Variants in TMEM239 observed in about 807,000 individuals in gnomAD.
TMEM239 encodes the protein transmembrane protein 239.
In TMEM239, 10 loss-of-function variants were observed where a neutral mutation model predicts 14.6. The observed-to-expected ratio is 0.68, with a 90% CI of 0.42 to 1.16. The LOEUF (loss-of-function observed/expected upper bound fraction) is 1.16, where lower values mean the gene tolerates loss of function less well. Ranked by LOEUF, TMEM239 falls within the 50% of genes most tolerant of loss-of-function variation. The pLI, the probability that TMEM239 is intolerant of heterozygous loss-of-function variation, is 0.00. For missense variants in TMEM239, 183 were observed against 194.4 expected (o/e 0.94, Z 0.35); for synonymous variants, 94 against 89.9 (o/e 1.05, Z -0.26).
rs908122461 is a variant in TMEM239 at position 2,816,900 on chromosome 20, C to T, written c.346C>T (p.Pro116Ser). ...CCTGCTGCTGGTGCTCAGTGCTCTG[C>T]CTGCCCTCCTCTTCACGGCCTCCTT... ...ALLLLVLSAL[P>S]ALLFTASFLL... The change falls in exon 2 of 2, where the codon CCT becomes TCT. Residue 116 changes from proline (P) to serine (S), a missense_variant. Transcript: ENST00000380585. 7 of 1,541,634 alleles carry T rather than the reference C, an allele frequency of 4.5e-6. No individual in the cohort carries two copies. The South Asian group carries it at 8.3e-5, about 18-fold the overall frequency.
upstream of TMEM239, chr20:2,815,958 G>C: frequency 1.6e-6 from 1 of 640,854 alleles, no homozygotes; most frequent in Admixed American, 2.9e-5. Flanking sequence ...AGCAAGAGAA[G>C]GTAGGATACT....
downstream of TMEM239, chr20:2,820,115 C>T (rs2088709438): frequency 6.6e-6 from 1 of 152,100 alleles, no homozygotes; most frequent in Non-Finnish European, 1.5e-5. Context: ...AATACAATTC[C>T]TCTTACACAA....
upstream of TMEM239, chr20:2,816,268 C>A: frequency 7.0e-7 from 1 of 1,419,210 alleles, no homozygotes; most frequent in African/African-American, 1.4e-5. Context: ...TACAGTGACT[C>A]CTCTCTTGGC....
In TMEM239 at chr20:2,817,114, T is replaced by A; in HGVS notation, c.*101T>A. ...GCAATGGGATCAGGGCTCCCTGCCT[T>A]GGCAGGGCCCAGACCCCTAGTCCCT... On this transcript the variant is annotated 3_prime_UTR_variant, in exon 2 of 2. Coordinates refer to ENST00000380585, the MANE Select transcript of TMEM239 (RefSeq NM_001167670.3). 1.4e-6 allele frequency: 2 copies of A among 1,427,534 alleles called. No homozygotes were observed. The highest frequency in any genetic ancestry group is 1.9e-6 in the Non-Finnish European group (2 of 1,073,056). 88.4% of individuals were successfully genotyped at this position (1,427,534 alleles called of 1,614,324 possible). A position where few individuals can be genotyped will look rare whatever the true frequency, so the allele number is the denominator to read the frequency against.
chr20:2,820,206 A>G (rs905756910), downstream of TMEM239: 2 of 152,330 alleles, frequency 1.3e-5, no homozygotes, highest in South Asian at 4.1e-4. Context: ...GGAATGGACA[A>G]CTCTAGGGGC....
Position 2,817,454 on chromosome 20 carries a change from C to A in TMEM239, c.*441C>A. On this transcript the variant is annotated 3_prime_UTR_variant, in exon 2 of 2. Coordinates refer to ENST00000380585, the MANE Select transcript of TMEM239 (RefSeq NM_001167670.3). ...CATTCCTCCCACCAATCCCCTCTTT[C>A]CACTTCCAGGAGAACCACAGACTCT... The A allele has an allele frequency of 1.2e-5, 3 of 249,754 alleles. No homozygotes were observed. The highest frequency in any genetic ancestry group is 9.1e-5 in the South Asian group (1 of 10,936). The allele number at this position is 249,754 out of a possible 1,614,324, so 15.5% of individuals were successfully genotyped here. A position where few individuals can be genotyped will look rare whatever the true frequency, so the allele number is the denominator to read the frequency against.
chr20:2,817,031 AC>A lies in TMEM239; in HGVS notation c.*19del, dbSNP rs2088684801. 2.6e-6 allele frequency: 4 copies of A among 1,537,470 alleles called. No individual in the cohort carries two copies. In the East Asian group the frequency reaches 9.8e-5, roughly 38 times the overall value. The stretch of plus-strand genomic sequence containing the variant: ...ATCAATAGAAGGGCAACCCCATCCC[AC>A]TGCCTGTGTCTGTTGAGCCCTGGCC... On this transcript the variant is annotated 3_prime_UTR_variant, in exon 2 of 2. Transcript: ENST00000380585.
Position 2,817,423 on chromosome 20 carries a change from C to A in TMEM239, c.*410C>A, listed in dbSNP as rs181552243. 5.3e-3 allele frequency: 1,644 copies of A among 308,116 alleles called. 17 individuals are homozygous for A. The highest frequency in any genetic ancestry group is 7.0e-3 in the Non-Finnish European group (1,169 of 165,898). The allele number at this position is 308,116 out of a possible 1,614,324, so 19.1% of individuals were successfully genotyped here. The stretch of plus-strand genomic sequence containing the variant: ...AGAACTTCTACCTGGGTACCACTGG[C>A]CTTGCCATTCCTCCCACCAATCCCC... On this transcript the variant is annotated 3_prime_UTR_variant, in exon 2 of 2. Coordinates refer to ENST00000380585, the MANE Select transcript of TMEM239 (RefSeq NM_001167670.3).
Position 2,817,205 on chromosome 20 carries a change from G to A in TMEM239, c.*192G>A. The A allele has an allele frequency of 2.8e-6, 2 of 718,604 alleles. No homozygotes were observed. The highest frequency in any genetic ancestry group is 4.5e-6 in the Non-Finnish European group (2 of 444,960). 44.5% of individuals were successfully genotyped at this position (718,604 alleles called of 1,614,324 possible). On this transcript the variant is annotated 3_prime_UTR_variant, in exon 2 of 2. Coordinates refer to ENST00000380585, the MANE Select transcript of TMEM239 (RefSeq NM_001167670.3). The stretch of plus-strand genomic sequence containing the variant: ...CAATGCTGCAGGTTCCTGGTGTGAG[G>A]GGCTGGGGGCTTTGAGAAGAGGGGG...
In TMEM239 at chr20:2,816,425, A is replaced by G; in HGVS notation, c.-12+10A>G. The G allele has an allele frequency of 6.5e-7, 1 of 1,535,794 alleles. No individual in the cohort carries two copies. Among genetic ancestry groups the G allele is most frequent in the Non-Finnish European group, 8.7e-7 (1 of 1,146,808 alleles). The stretch of plus-strand genomic sequence containing the variant: ...AGGTAACTGCCCAGAGGTAAGTCCC[A>G]GTCCCTAATTCTGTAGCCCCACCCC... On this transcript the variant is annotated intron_variant, in intron 1 of 1. Transcript: ENST00000380585.
rs974911285 is a variant in TMEM239 at position 2,816,866 on chromosome 20, A to T, written c.312A>T (p.Leu104=). The T allele has an allele frequency of 6.5e-7, 1 of 1,545,862 alleles. No individual in the cohort carries two copies. Among genetic ancestry groups the T allele is most frequent in the Admixed American group, 2.0e-5 (1 of 51,006 alleles). The part of the protein sequence containing the change: ...PVVAAVWRHL[L]PALLLLVLSA... ...TGGCCGCGGTGTGGCGCCACCTGCT[A>T]CCGGCTCTCCTGCTGCTGGTGCTCA... The change falls in exon 2 of 2, where the codon CTA becomes CTT. Residue 104 remains leucine (L), a synonymous_variant. Coordinates refer to ENST00000380585, the MANE Select transcript of TMEM239 (RefSeq NM_001167670.3).
chr20:2,815,835 G>GA, upstream of TMEM239: 1 of 1,360,770 alleles, frequency 7.3e-7, no homozygotes, highest in Non-Finnish European at 1.0e-6. Flanking sequence ...TCTTCATCAG[G>GA]CCCCCTTTTC....
downstream of TMEM239, chr20:2,820,173 T>C (rs748322986): frequency 6.6e-6 from 1 of 151,856 alleles, no homozygotes; most frequent in African/African-American, 2.4e-5. Flanking sequence ...CAAGAACACA[T>C]AAAAACGAAA....
upstream of TMEM239, chr20:2,816,333 A>G: frequency 6.5e-7 from 1 of 1,535,848 alleles, no homozygotes; most frequent in Non-Finnish European, 8.7e-7. Context: ...GGGTGGGGGT[A>G]GATGAGAGTG....
At chr20:2,815,963 G>A, upstream of TMEM239, 1 of 634,132 alleles carries the variant, frequency 1.6e-6, no homozygotes, top group Non-Finnish European at 2.7e-6. Context: ...GAGAAGGTAG[G>A]ATACTAGCCA....
At chr20:2,818,604 TC>T (rs1466503807), downstream of TMEM239, 2 of 152,304 alleles carry the variant, frequency 1.3e-5, no homozygotes, top group African/African-American at 4.8e-5. Context: ...TTTGTATTTC[TC>T]CCGCATTATG....
In TMEM239 at chr20:2,817,407, A is replaced by C; in HGVS notation, c.*394A>C. 1 of 346,664 alleles carries C rather than the reference A, an allele frequency of 2.9e-6. No homozygotes were observed. The highest frequency in any genetic ancestry group is 6.5e-5 in the South Asian group (1 of 15,374). 21.5% of individuals were successfully genotyped at this position (346,664 alleles called of 1,614,324 possible). On this transcript the variant is annotated 3_prime_UTR_variant, in exon 2 of 2. Transcript: ENST00000380585. ...AGCTTCAGACTCACTGAGAACTTCTACCTGGGTACCACTGGCCTTGCCATT... is the reference window on the plus strand; with the variant it reads ...AGCTTCAGACTCACTGAGAACTTCTCCCTGGGTACCACTGGCCTTGCCATT...
At chr20:2,818,749 G>C (rs544280509), downstream of TMEM239, 1 of 152,240 alleles carries the variant, frequency 6.6e-6, no homozygotes, top group Admixed American at 6.5e-5. Context: ...AGTGGAAATC[G>C]CTAAACCTTC....
chr20:2,818,692 G>C (rs1185979775), downstream of TMEM239: 1 of 152,282 alleles, frequency 6.6e-6, no homozygotes, highest in Non-Finnish European at 1.5e-5. Context: ...CATGAGCTGA[G>C]GCTGGGCGTG....
Sources: allele counts gnomAD v4.1 joint callset, GRCh38; gene constraint gnomAD v4.1.1; transcripts MANE v1.5; gene names NCBI Gene and HGNC (gene_info 2026-07-23, HGNC 2026-07-21).